The following ARHGEF4 variants were observed in gnomAD, a reference collection of about 807,000 sequenced individuals.
ARHGEF4 encodes the protein APC-stimulated guanine nucleotide exchange factor 1.
A neutral mutation model predicts 162.0 loss-of-function variants in ARHGEF4; 119 were observed. The observed-to-expected ratio is 0.73, with a 90% CI of 0.63 to 0.86. The LOEUF (loss-of-function observed/expected upper bound fraction) is 0.86, where lower values mean the gene tolerates loss of function less well. ARHGEF4 is among the 40% of genes least tolerant of loss of function. The probability of loss-of-function intolerance (pLI) is 0.00; values close to 1 mark genes in which losing one functional copy is unlikely to be tolerated. For synonymous variants in ARHGEF4, 1,014 were observed against 979.9 expected (o/e 1.03, Z -0.65); for missense variants, 2,488 against 2,456.0 (o/e 1.01, Z -0.28).
rs754109816 is a variant in ARHGEF4 at position 130,915,740 on chromosome 2, C to T, written c.1794C>T (p.Gly598=). ...AGGCAGCCACGGTGTCTCACTGCGG[C>T]CCCGGGGCTGAGGAGGGTGAACAGG... ...EFKAATVSHC[G]PGAEEGEQGP... is the part of the protein sequence containing the mutation. The change falls in exon 2 of 14, where the codon GGC becomes GGT. Residue 598 remains glycine (G), a synonymous_variant. Coordinates refer to ENST00000409359, the MANE Select transcript of ARHGEF4 (RefSeq NM_001367493.1). 1.0e-5 allele frequency: 16 copies of T among 1,546,360 alleles called. No homozygotes were observed. The African/African-American group carries it at 1.4e-4, about 13-fold the overall frequency.
intron 6 of ARHGEF4, chr2:131,039,695 C>T: frequency 8.0e-7 from 1 of 1,256,040 alleles, no homozygotes; most frequent in South Asian, 2.2e-5. Context: ...CTTCTGCCCG[C>T]TGGGGCTGGC....
At chr2:130,893,969 G>A (rs1425119483) in intron 1 of ARHGEF4, among the ~76,000 whole-genome samples, 1 of 152,228 alleles carries the variant, frequency 6.6e-6, no homozygotes, top group African/African-American at 2.4e-5. Flanking sequence ...CGTCTAAGGA[G>A]CCTGCAGGCT....
chr2:130,916,703 T>C lies in ARHGEF4; in HGVS notation c.2757T>C (p.Phe919=), dbSNP rs1362077634. The change falls in exon 2 of 14, where the codon TTT becomes TTC. Residue 919 remains phenylalanine, a synonymous_variant. Coordinates refer to ENST00000409359, the MANE Select transcript of ARHGEF4 (RefSeq NM_001367493.1). ...LALAHKTFSN[F]IESIVLEKEN... ...TGGCTCATAAGACCTTTTCAAACTTTATTGAGTCAATAGTTCTAGAGAAAG... is the reference window on the plus strand; with the variant it reads ...TGGCTCATAAGACCTTTTCAAACTTCATTGAGTCAATAGTTCTAGAGAAAG... The C allele has an allele frequency of 9.0e-6, 14 of 1,550,590 alleles. No individual in the cohort carries two copies. The highest frequency in any genetic ancestry group is 2.4e-5 in the South Asian group (2 of 84,060).
At position 130,916,234 on chromosome 2, in the gene ARHGEF4, G is replaced by A. The variant is rs1293420170; in HGVS notation, c.2288G>A (p.Arg763Gln). ...CCCGAAGGCGGTGCTGCAGCAGCCCGGGGCCAGCGCCCCCGCGTCCCCGCC... is the reference window on the plus strand; with the variant it reads ...CCCGAAGGCGGTGCTGCAGCAGCCCAGGGCCAGCGCCCCCGCGTCCCCGCC... ...EAPEGGAAAA[R>Q]GQRPRVPALE... Residue 763 changes from arginine (R) to glutamine (Q), a missense_variant, in exon 2 of 14, where the codon CGG (arginine) becomes CAG (glutamine). Around this residue, in one of 6 missense-constraint regions of ARHGEF4, gnomAD observed 1,642 missense variants for 1,481.5 expected, o/e 1.11. Transcript: ENST00000409359. The A allele has an allele frequency of 4.6e-6, 7 of 1,533,134 alleles. No individual in the cohort carries two copies. Among genetic ancestry groups the A allele is most frequent in the South Asian group, 3.7e-5 (3 of 81,920 alleles). 95.0% of individuals were successfully genotyped at this position (1,533,134 alleles called of 1,614,324 possible). A position where few individuals can be genotyped will look rare whatever the true frequency, so the allele number is the denominator to read the frequency against.
chr2:131,013,039 A>G (rs778939033), intron 4 of ARHGEF4, among the ~76,000 whole-genome samples: 1 of 152,182 alleles, frequency 6.6e-6, no homozygotes, highest in Admixed American at 6.5e-5. Flanking sequence ...ATCACTGTGA[A>G]AAGATTCACC....
At chr2:130,940,857 A>T (rs1441691450) in intron 3 of ARHGEF4, among the ~76,000 whole-genome samples, 1 of 151,430 alleles carries the variant, frequency 6.6e-6, no homozygotes, top group African/African-American at 2.4e-5. Context: ...AAGAAAAAAA[A>T]AAAGAAAATT....
chr2:131,038,477 C>T (rs1249602015), intron 5 of ARHGEF4, among the ~76,000 whole-genome samples: 114 of 150,454 alleles, frequency 7.6e-4, no homozygotes, highest in Non-Finnish European at 3.0e-5. Flanking sequence ...CCTCTCCCTC[C>T]TGCAGCCTTG....
At chr2:130,994,990 T>G (rs539075163) in intron 4 of ARHGEF4, among the ~76,000 whole-genome samples, 4 of 152,372 alleles carry the variant, frequency 2.6e-5, no homozygotes, top group Non-Finnish European at 4.4e-5. Flanking sequence ...TTCAGCAGTC[T>G]TAAAGATGTG....
At chr2:130,930,223 C>T (rs1682552124) in intron 2 of ARHGEF4, among the ~76,000 whole-genome samples, 1 of 152,150 alleles carries the variant, frequency 6.6e-6, no homozygotes, top group African/African-American at 2.4e-5. Context: ...TTTTAGCAAA[C>T]AGTACACACA....
chr2:131,043,805 A>G (rs926163188), intron 11 of ARHGEF4: 10 of 587,880 alleles, frequency 1.7e-5, no homozygotes. Context: ...TGCTGTTGAG[A>G]GCATGATCTT....
At chr2:130,992,292 C>T (rs189227175) in intron 4 of ARHGEF4, among the ~76,000 whole-genome samples, 14 of 152,270 alleles carry the variant, frequency 9.2e-5, no homozygotes, top group Non-Finnish European at 1.6e-4. Flanking sequence ...CTGCTTGGGT[C>T]CCCTTCCACA....
chr2:130,963,680 G>T (rs940280623), intron 4 of ARHGEF4: 1 of 145,538 alleles, frequency 6.9e-6, no homozygotes, highest in Non-Finnish European at 1.5e-5. Context: ...AGCGCGTGCC[G>T]ACCGGGCCCG....
rs189212334 is a variant in ARHGEF4, at chr2:130,969,640, G to A, written c.3985+23005G>A. Reference sequence around the variant, plus strand: ...TATGTCAAACTATCGTTATGTCAGAGGCCATCTGTATTTATTTTTAAAGTT... The same window carrying A: ...TATGTCAAACTATCGTTATGTCAGAAGCCATCTGTATTTATTTTTAAAGTT... On this transcript the variant is annotated intron_variant, in intron 4 of 13. Transcript: ENST00000409359. Among the ~76,000 whole-genome samples the A allele has an allele frequency of 2.3e-3, 356 of 152,176 alleles. 2 individuals carry two copies. The highest frequency in any genetic ancestry group is 8.0e-3 in the African/African-American group (331 of 41,520).
intron 1 of ARHGEF4, among the ~76,000 whole-genome samples, chr2:130,886,956 A>G (rs1442299859): frequency 2.6e-5 from 4 of 151,866 alleles, no homozygotes; most frequent in African/African-American, 9.7e-5. Flanking sequence ...GCTCATGTGG[A>G]TTAATTTCTG....
intron 3 of ARHGEF4, among the ~76,000 whole-genome samples, chr2:130,943,222 T>C (rs1683413598): frequency 6.6e-6 from 1 of 152,192 alleles, no homozygotes; most frequent in Admixed American, 6.5e-5. Context: ...CCTTGGTAAT[T>C]TTCCTTGCTC....
chr2:130,992,638 G>A (rs546128989), intron 4 of ARHGEF4, among the ~76,000 whole-genome samples: 10 of 152,288 alleles, frequency 6.6e-5, no homozygotes, highest in African/African-American at 2.2e-4. Context: ...AACACTCACC[G>A]CGAGGGTCTG....
At chr2:130,894,569 G>A (rs1234404741) in intron 1 of ARHGEF4, among the ~76,000 whole-genome samples, 1 of 152,192 alleles carries the variant, frequency 6.6e-6, no homozygotes, top group Non-Finnish European at 1.5e-5. Flanking sequence ...GGGTGGAGAG[G>A]AGATTTCACT....
intron 1 of ARHGEF4, among the ~76,000 whole-genome samples, chr2:130,856,772 G>A (rs947635591): frequency 2.0e-5 from 3 of 152,090 alleles, no homozygotes; most frequent in African/African-American, 7.3e-5. Flanking sequence ...CCTGCACGTT[G>A]TGCACATGTA....
intron 13 of ARHGEF4, chr2:131,045,711 C>G: frequency 1.4e-6 from 2 of 1,446,060 alleles, no homozygotes; most frequent in East Asian, 2.5e-5. Flanking sequence ...CCCAGGGTTC[C>G]TTCCTGACAG....
Sources: gnomAD v4.1 joint callset for allele counts (sites outside exome capture counted in the v4.1 genomes callset) on GRCh38, gnomAD v4.1.1 for gene constraint, gnomAD v4.1.1 regional missense constraint, MANE v1.5 for transcripts, NCBI Gene and HGNC (gene_info 2026-07-23, HGNC 2026-07-21) for gene names.